The following CLNK variants were observed in gnomAD, a reference collection of about 807,000 sequenced individuals.
CLNK encodes cytokine dependent hematopoietic cell linker, also known as cytokine-dependent hematopoietic cell linker.
A neutral mutation model predicts 68.6 loss-of-function variants in CLNK; 74 were observed. That is an observed-to-expected ratio of 1.08 (90% CI 0.89 to 1.31). CLNK has a LOEUF of 1.31. CLNK is among the 50% of genes most tolerant of loss of function. The pLI is 0.00. For synonymous variants in CLNK, 198 were observed against 172.2 expected (o/e 1.15, Z -1.17); for missense variants, 553 against 515.3 (o/e 1.07, Z -0.71).
intron 3 of CLNK, among the ~76,000 whole-genome samples, chr4:10,594,153 C>T (rs1721295605): frequency 6.6e-6 from 1 of 152,210 alleles, no homozygotes; most frequent in South Asian, 2.1e-4. Flanking sequence ...GTATCCAGGA[C>T]TATGTCTCGT....
intron 8 of CLNK, among the ~76,000 whole-genome samples, chr4:10,550,116 A>G (rs1236388008): frequency 1.3e-5 from 2 of 152,224 alleles, no homozygotes; most frequent in Non-Finnish European, 2.9e-5. Context: ...TGTTCTTTGG[A>G]GTGGCTGCTG....
chr4:10,650,780 T>C (rs1723697602), intron 2 of CLNK, among the ~76,000 whole-genome samples: 1 of 151,956 alleles, frequency 6.6e-6, no homozygotes, highest in Non-Finnish European at 1.5e-5. Flanking sequence ...GTTTGACATA[T>C]AAAATTTGCA....
chr4:10,548,394 T>C (rs904467728), intron 8 of CLNK, among the ~76,000 whole-genome samples: 2 of 152,238 alleles, frequency 1.3e-5, no homozygotes, highest in African/African-American at 4.8e-5. Context: ...CTTGTCTATA[T>C]TGAACATTAA....
chr4:10,564,451 C>T (rs1006391760), intron 7 of CLNK, among the ~76,000 whole-genome samples: 1 of 152,196 alleles, frequency 6.6e-6, no homozygotes, highest in Non-Finnish European at 1.5e-5. Flanking sequence ...CAATCTTCCA[C>T]ACATCTGAAT....
At chr4:10,545,718 C>A (rs1331309068) in intron 8 of CLNK, among the ~76,000 whole-genome samples, 1 of 152,172 alleles carries the variant, frequency 6.6e-6, no homozygotes, top group African/African-American at 2.4e-5. Context: ...GTCTCCACTC[C>A]TGTGACAAGT....
At chr4:10,626,600 G>T (rs550463618) in intron 2 of CLNK, among the ~76,000 whole-genome samples, 2 of 152,120 alleles carry the variant, frequency 1.3e-5, no homozygotes, top group African/African-American at 4.8e-5. Context: ...AATAAAAATC[G>T]TATAATACAA....
At chr4:10,511,627 A>G (rs1176136690) in intron 16 of CLNK, among the ~76,000 whole-genome samples, 1 of 152,128 alleles carries the variant, frequency 6.6e-6, no homozygotes, top group African/African-American at 2.4e-5. Context: ...TTTGTCCTCC[A>G]TGTCTGACTT....
chr4:10,605,575 C>T (rs1200428903), intron 2 of CLNK, among the ~76,000 whole-genome samples: 1 of 151,700 alleles, frequency 6.6e-6, no homozygotes, highest in Non-Finnish European at 1.5e-5. Flanking sequence ...ACCTGTAATC[C>T]CAGCAGCACT....
At chr4:10,688,185 T>C (rs1725337322), upstream of CLNK, among the ~76,000 whole-genome samples, 1 of 152,212 alleles carries the variant, frequency 6.6e-6, no homozygotes, top group Non-Finnish European at 1.5e-5. Flanking sequence ...TGAAGTGTAG[T>C]ATGGGACCAC....
intron 4 of CLNK, among the ~76,000 whole-genome samples, chr4:10,576,554 G>A (rs1420257050): frequency 6.6e-6 from 1 of 152,216 alleles, no homozygotes; most frequent in Non-Finnish European, 1.5e-5. Context: ...TAGGCAGAAG[G>A]CAATTACTCC....
intron 1 of CLNK, among the ~76,000 whole-genome samples, chr4:10,677,242 A>T (rs960254260): frequency 2.6e-5 from 4 of 152,160 alleles, no homozygotes; most frequent in African/African-American, 4.8e-5. Flanking sequence ...TAGATCCAGT[A>T]AACCCCACCA....
chr4:10,707,329 C>A, the CLNK span, among the ~76,000 whole-genome samples: 1 of 152,230 alleles, frequency 6.6e-6, no homozygotes, highest in Non-Finnish European at 1.5e-5. Flanking sequence ...GCCCATGGGC[C>A]ATGAGTTGGA....
intron 15 of CLNK, among the ~76,000 whole-genome samples, chr4:10,517,725 A>G (rs1200211599): frequency 1.3e-5 from 2 of 152,192 alleles, no homozygotes; most frequent in Non-Finnish European, 1.5e-5. Context: ...GTGGCAACTG[A>G]TTTATTCTTT....
chr4:10,674,422 CT>C (rs1379303832), intron 1 of CLNK, among the ~76,000 whole-genome samples: 2 of 152,164 alleles, frequency 1.3e-5, no homozygotes, highest in Non-Finnish European at 2.9e-5. Context: ...TATACCAGGG[CT>C]TAAAGCCTAG....
chr4:10,686,672 A>G (rs1266144035), upstream of CLNK, among the ~76,000 whole-genome samples: 2 of 150,912 alleles, frequency 1.3e-5, no homozygotes, highest in Non-Finnish European at 2.9e-5. Flanking sequence ...CACATGGCCA[A>G]GTTCAGAGTA....
intron 11 of CLNK, among the ~76,000 whole-genome samples, chr4:10,537,110 C>T (rs1718788902): frequency 6.6e-6 from 1 of 152,180 alleles, no homozygotes; most frequent in Non-Finnish European, 1.5e-5. Flanking sequence ...AAAATAGATA[C>T]TGGGGATAGT....
At chr4:10,496,128 T>C (rs1716801782) in intron 18 of CLNK, among the ~76,000 whole-genome samples, 1 of 152,116 alleles carries the variant, frequency 6.6e-6, no homozygotes, top group Non-Finnish European at 1.5e-5. Flanking sequence ...TCAACTCATG[T>C]CACACTCAAA....
intron 3 of CLNK, among the ~76,000 whole-genome samples, chr4:10,588,368 C>A (rs770917502): frequency 6.6e-6 from 1 of 152,126 alleles, no homozygotes; most frequent in Non-Finnish European, 1.5e-5. Context: ...TGCTAAAAAG[C>A]ATGTTGGAGA....
At chr4:10,565,056 A>G (rs1309797592) in intron 6 of CLNK, among the ~76,000 whole-genome samples, 2 of 152,162 alleles carry the variant, frequency 1.3e-5, no homozygotes, top group Non-Finnish European at 2.9e-5. Flanking sequence ...TGGCTATGCC[A>G]TGCCCTTTAA....
Sources: gnomAD v4.1 joint callset for allele counts (sites outside exome capture counted in the v4.1 genomes callset) on GRCh38, gnomAD v4.1.1 for gene constraint, MANE v1.5 for transcripts, NCBI Gene and HGNC (gene_info 2026-07-23, HGNC 2026-07-21) for gene names.